Variants in RBM10 observed in about 807,000 individuals in gnomAD.
The protein encoded by RBM10 is RNA binding motif protein 10, also known as RNA-binding protein 10.
A neutral mutation model predicts 84.9 loss-of-function variants in RBM10; 1 was observed. That is an observed-to-expected ratio of 0.01 (90% CI 0.00 to 0.06). The LOEUF (loss-of-function observed/expected upper bound fraction) is 0.06, where lower values mean the gene tolerates loss of function less well. Among genes scored for constraint, RBM10 ranks in the 10% least tolerant of loss-of-function variants. RBM10 has a pLI of 1.00. For synonymous variants in RBM10, 326 were observed against 344.5 expected (o/e 0.95, Z 0.60); for missense variants, 438 against 839.0 (o/e 0.52, Z 5.90).
In RBM10 at chrX:47,147,545, A is replaced by G. The variant is rs185229557; in HGVS notation, c.17+47A>G. On this transcript the variant is annotated intron_variant, in intron 2 of 23. Coordinates refer to ENST00000377604, the MANE Select transcript of RBM10 (RefSeq NM_005676.5). ...TCCCAGACAGCCTAGGCTTGCGTCT[A>G]TGTGAGAATTGATCCAAGAAGGTGC... 1.4e-5 allele frequency: 17 copies of G among 1,194,352 alleles called. No individual in the cohort carries two copies. In the African/African-American group the frequency reaches 2.3e-4, roughly 16 times the overall value.
chrX:47,181,181 C>G, intron 12 of RBM10, 34 bp from the exon 13 acceptor site: 1 of 422,365 alleles, frequency 2.4e-6, no homozygotes, highest in Non-Finnish European at 3.7e-6. Flanking sequence ...CCACACCTTC[C>G]TGTTCTAATG....
intron 2 of RBM10, chrX:47,158,257 T>G (rs1933336337): frequency 6.4e-6 from 1 of 156,415 alleles, no homozygotes; most frequent in East Asian, 2.3e-4. Flanking sequence ...GCTGAGTCTG[T>G]TGGCCAGTGA....
At position 47,145,292 on chromosome X, in the gene RBM10, G is replaced by A. The variant is rs1932010811; in HGVS notation, c.-319G>A. 1 of 589,685 alleles carries A rather than the reference G, an allele frequency of 1.7e-6. No homozygotes were observed. The allele number at this position is 589,685 out of a possible 1,213,427, so 48.6% of individuals were successfully genotyped here. ...CATTTTGAGCTGGTGACTGTGGCCG[G>A]CTGGGAGTAGGCGGCAGTGAGTTTC... On this transcript the variant is annotated 5_prime_UTR_variant, in exon 1 of 24. Coordinates refer to ENST00000377604, the MANE Select transcript of RBM10 (RefSeq NM_005676.5).
intron 2 of RBM10, among the ~76,000 whole-genome samples, chrX:47,165,872 T>C (rs1243044232): frequency 9.1e-6 from 1 of 109,614 alleles, no homozygotes; most frequent in Non-Finnish European, 1.9e-5. Flanking sequence ...ATACAAAAAT[T>C]ATCCGGGCGT....
At chrX:47,156,330 T>C (rs1399866360) in intron 2 of RBM10, among the ~76,000 whole-genome samples, 3 of 111,697 alleles carry the variant, frequency 2.7e-5, no homozygotes, top group Non-Finnish European at 5.6e-5. Context: ...TGTTTTCTTT[T>C]TTTAAAAGTT....
At chrX:47,162,766 T>G (rs1286386190) in intron 2 of RBM10, among the ~76,000 whole-genome samples, 1 of 109,445 alleles carries the variant, frequency 9.1e-6, no homozygotes, top group Non-Finnish European at 1.9e-5. Flanking sequence ...CCCAGCTACT[T>G]GGGAGGCTGA....
In RBM10 at chrX:47,185,150, C is replaced by T. The variant is rs370518602; in HGVS notation, c.2046C>T (p.Asp682=). 3.0e-5 allele frequency: 36 copies of T among 1,210,754 alleles called. No individual in the cohort carries two copies. Among genetic ancestry groups the T allele is most frequent in the Middle Eastern group, 4.6e-4 (2 of 4,375 alleles). The change falls in exon 18 of 24, where the codon GAC becomes GAT. Residue 682 remains aspartate (D), a synonymous_variant. Coordinates refer to ENST00000377604, the MANE Select transcript of RBM10 (RefSeq NM_005676.5). ...SFQPISSLRD[D]ERRESATADA... ...AGCCTATCAGCTCCCTGCGAGATGA[C>T]GAGAGGCGGGAGTCAGCCACTGCAG...
intron 2 of RBM10, 118 bp downstream of exon 2, chrX:47,147,616 G>A: frequency 2.1e-6 from 2 of 960,678 alleles, no homozygotes; most frequent in Non-Finnish European, 2.9e-6. Flanking sequence ...CAGATGATGG[G>A]TTTCTTTTCA....
Position 47,180,319 on chromosome X carries a change from C to T in RBM10, c.1160+10C>T, listed in dbSNP as rs1556778451. On this transcript the variant is annotated intron_variant, in intron 11 of 23. Coordinates refer to ENST00000377604, the MANE Select transcript of RBM10 (RefSeq NM_005676.5). ...CCAAGGGTTCTAAGAGGTCAGGGCC[C>T]CACCTGTGTGCCTTCCCACCCTTCC... 1.7e-6 allele frequency: 2 copies of T among 1,183,640 alleles called. No homozygotes were observed. The highest frequency in any genetic ancestry group is 2.3e-6 in the Non-Finnish European group (2 of 880,276).
At chrX:47,151,646 C>T (rs1357557933) in intron 2 of RBM10, among the ~76,000 whole-genome samples, 1 of 111,558 alleles carries the variant, frequency 9.0e-6, no homozygotes, top group African/African-American at 3.3e-5. Context: ...CTTTTCTTTC[C>T]CATAAAGGCA....
At chrX:47,169,234 C>G in intron 2 of RBM10, 81 bp from the exon 3 acceptor site, 1 of 1,012,595 alleles carries the variant, frequency 9.9e-7, no homozygotes, top group South Asian at 2.2e-5. Flanking sequence ...CAAAACCCTA[C>G]GAGAACACAT....
chrX:47,170,735 G>GAC (rs1393240053), intron 3 of RBM10, among the ~76,000 whole-genome samples: 3 of 112,330 alleles, frequency 2.7e-5, no homozygotes, highest in Non-Finnish European at 5.6e-5. Flanking sequence ...TTGCCCCAAG[G>GAC]AGGTTTAAGC....
At chrX:47,175,629 C>T (rs1256933301) in intron 6 of RBM10, among the ~76,000 whole-genome samples, 15 of 111,474 alleles carry the variant, frequency 1.3e-4, no homozygotes, top group Middle Eastern at 4.6e-3. Flanking sequence ...AAGTTCCCGT[C>T]GAGTATGATA....
chrX:47,182,120 A>G, intron 16 of RBM10, 42 bp from the exon 17 acceptor site: 2 of 1,210,877 alleles, frequency 1.7e-6, no homozygotes, highest in Non-Finnish European at 2.2e-6. Context: ...TTCCCTTCAC[A>G]AGGTCTTCCC....
intron 7 of RBM10, among the ~76,000 whole-genome samples, chrX:47,177,393 C>T (rs1194946455): frequency 8.9e-6 from 1 of 111,967 alleles, no homozygotes; most frequent in Non-Finnish European, 1.9e-5. Flanking sequence ...TTGGATGCCA[C>T]AGTGGCTTCA....
chrX:47,176,415 G>T, intron 6 of RBM10, 85 bp from the exon 7 acceptor site: 1 of 1,190,435 alleles, frequency 8.4e-7, no homozygotes, highest in East Asian at 3.0e-5. Flanking sequence ...CCAGCTGAAG[G>T]GCTCGCTCAC....
chrX:47,185,359 G>A lies in RBM10; in HGVS notation c.2158G>A (p.Asp720Asn), dbSNP rs1341037791. Residue 720 changes from aspartate to asparagine, a missense_variant, in exon 19 of 24, where the codon GAC becomes AAC. Physicochemically the swap from Asp to Asn is conservative, Grantham distance 23. Around this residue, in one of 8 missense-constraint regions of RBM10, gnomAD observed 21 missense variants for 16.1 expected, o/e 1.30. Transcript: ENST00000377604. Reference sequence around the variant, plus strand: ...GGATCTCCCGAAATTGGCCAGTGACGACCGCCCAGTGAGTGCCCAAGGCAG... The same window carrying A: ...GGATCTCCCGAAATTGGCCAGTGACAACCGCCCAGTGAGTGCCCAAGGCAG... ...SMDLPKLASD[D>N]RPSPPRGLVA... is the part of the protein sequence containing the mutation. 4 of 1,200,098 alleles carry A rather than the reference G, an allele frequency of 3.3e-6. No individual in the cohort carries two copies. Among genetic ancestry groups the A allele is most frequent in the Non-Finnish European group, 3.4e-6 (3 of 889,855 alleles).
chrX:47,171,283 C>A (rs2147137674), intron 4 of RBM10, 25 bp downstream of exon 4: 1 of 1,207,582 alleles, frequency 8.3e-7, no homozygotes, highest in Non-Finnish European at 1.1e-6. Context: ...TGGCCCCGGG[C>A]AGGAGGCCAG....
At chrX:47,150,191 A>G (rs782332261) in intron 2 of RBM10, among the ~76,000 whole-genome samples, 3 of 107,631 alleles carry the variant, frequency 2.8e-5, no homozygotes, top group African/African-American at 1.0e-4. Flanking sequence ...TTGTTTTGAG[A>G]TGAGTCTCGC....
Sources: gnomAD v4.1 joint callset for allele counts (sites outside exome capture counted in the v4.1 genomes callset) on GRCh38, gnomAD v4.1.1 for gene constraint, gnomAD v4.1.1 regional missense constraint, MANE v1.5 for transcripts, NCBI Gene and HGNC (gene_info 2026-07-23, HGNC 2026-07-21) for gene names.